The following LMO3 variants were observed in gnomAD, a reference collection of about 807,000 sequenced individuals.
LMO3 encodes the protein LIM domain only protein 3.
LMO3 carries 2 observed loss-of-function variants against 15.8 expected under a neutral mutation model. The ratio of observed to expected loss-of-function variants is 0.13; its 90% CI spans 0.05 to 0.40. LMO3 has a LOEUF of 0.40. LMO3 is among the 10% of genes least tolerant of loss of function. The pLI is 0.99. For synonymous variants in LMO3, 62 were observed against 63.8 expected, an observed-to-expected ratio of 0.97 and a Z score of 0.13; for missense variants, 86 against 182.2, an observed-to-expected ratio of 0.47 and a Z score of 3.04.
At position 16,584,415 on chromosome 12, in the gene LMO3, G is replaced by C. The variant is rs1217478586; in HGVS notation, c.206+16240C>G. ...TTAAAACAATATTTTGATGGGAAAG[G>C]CATCTGGCCAAAAGATTGTGGACAC... On this transcript the variant is annotated intron_variant, in intron 2 of 3. Transcript: ENST00000537304. This position sits in a 1 kb window ranked among gnomAD's most constrained non-coding sequence, Gnocchi z 5.2. Among the ~76,000 whole-genome samples the C allele has an allele frequency of 6.6e-6, 1 of 152,166 alleles. No homozygotes were observed. Among genetic ancestry groups the C allele is most frequent in the Non-Finnish European group, 1.5e-5 (1 of 68,034 alleles).
At chr12:16,600,291 CAAAAAA>C (rs35993210) in intron 2 of LMO3, 11 of 69,674 alleles carry the variant, frequency 1.6e-4, no homozygotes, top group South Asian at 1.0e-3. Context: ...CCTTAAGCTC[CAAAAAA>C]AAAAAAAAAA....
chr12:16,562,744 C>T (rs1034112376), intron 2 of LMO3, among the ~76,000 whole-genome samples: 2 of 152,214 alleles, frequency 1.3e-5, no homozygotes, highest in Non-Finnish European at 2.9e-5. Context: ...AAATCTATGG[C>T]AATCTGCATA....
chr12:16,577,184 G>A (rs182992812), intron 2 of LMO3, among the ~76,000 whole-genome samples: 60 of 152,216 alleles, frequency 3.9e-4, no homozygotes, highest in African/African-American at 1.4e-3. Context: ...ACTCTAAAGA[G>A]TTAACAAACA....
chr12:16,592,165 A>G (rs1033061444), intron 2 of LMO3, among the ~76,000 whole-genome samples: 2 of 152,076 alleles, frequency 1.3e-5, no homozygotes, highest in Non-Finnish European at 2.9e-5. Flanking sequence ...ATTATTTATA[A>G]GAACGAAGTA....
rs150599428 is a variant in LMO3 at position 16,603,847 on chromosome 12, T to A, written c.-9+2219A>T. 4.7e-3 allele frequency among the ~76,000 whole-genome samples: 719 copies of A among 152,066 alleles called. 3 individuals are homozygous for A. The highest frequency in any genetic ancestry group is 0.01 in the Middle Eastern group (3 of 294). On this transcript the variant is annotated intron_variant, in intron 1 of 3. Transcript: ENST00000537304. The surrounding 1 kb of genome is among the most constrained non-coding windows in gnomAD (Gnocchi z 4.9). Reference sequence around the variant, plus strand: ...ACAACACACAGGGGTTTAAAAAAAATAATAATAATGAAAGATTTGCAGCAC... The same window carrying A: ...ACAACACACAGGGGTTTAAAAAAAAAAATAATAATGAAAGATTTGCAGCAC...
Position 16,600,714 on chromosome 12 carries a change from C to T in LMO3, c.147G>A (p.Glu49=). The T allele has an allele frequency of 1.9e-6, 3 of 1,614,114 alleles. No homozygotes were observed. The highest frequency in any genetic ancestry group is 2.5e-6 in the Non-Finnish European group (3 of 1,180,006). Residue 49 remains glutamate, a synonymous_variant, in exon 2 of 4, where the codon GAG becomes GAA. Transcript: ENST00000537304. ...CTTTAGTGTACAGGGTGGAGCCCACCTCTCCCAAGCGACAGTCACAGCAGG... is the reference window on the plus strand; with the variant it reads ...CTTTAGTGTACAGGGTGGAGCCCACTTCTCCCAAGCGACAGTCACAGCAGG... ...KCACCDCRLG[E]VGSTLYTKAN...
At chr12:16,594,198 T>C (rs1228174029) in intron 2 of LMO3, 3 of 1,532,512 alleles carry the variant, frequency 2.0e-6, no homozygotes, top group Non-Finnish European at 2.6e-6. Flanking sequence ...CATTCTAAGG[T>C]TACACAGATT....
intron 2 of LMO3, chr12:16,594,025 C>T (rs998309253): frequency 2.3e-6 from 2 of 884,934 alleles, no homozygotes; most frequent in South Asian, 2.3e-5. Context: ...TAAAAGTTGT[C>T]CTACATGTTA....
upstream of LMO3, chr12:16,609,901 T>C (rs549130526): frequency 6.6e-6 from 1 of 151,368 alleles, no homozygotes; most frequent in Admixed American, 6.6e-5. Flanking sequence ...ATGCTCCGGT[T>C]AGGTTGCCGT....
Position 16,555,942 on chromosome 12 carries a change from G to A in LMO3, c.332+4471C>T, listed in dbSNP as rs931552426. Among the ~76,000 whole-genome samples, 10 of 151,920 alleles carry A rather than the reference G, an allele frequency of 6.6e-5. No homozygotes were observed. Among genetic ancestry groups the A allele is most frequent in the Non-Finnish European group, 1.5e-4 (10 of 67,992 alleles). On this transcript the variant is annotated intron_variant, in intron 3 of 3. Transcript: ENST00000537304. This position sits in a 1 kb window ranked among gnomAD's most constrained non-coding sequence, Gnocchi z 5.5. ...TGATGCTTCCCTAACACTTCAAGAA[G>A]GATGGCTCTCTCTTCCCTCAGTATA...
intron 1 of LMO3, chr12:16,605,023 C>A: frequency 6.4e-7 from 1 of 1,565,514 alleles, no homozygotes; most frequent in East Asian, 2.3e-5. Flanking sequence ...CGAGGACCGA[C>A]TATTGTGAAG....
In LMO3 at chr12:16,582,604, G is replaced by A. The variant is rs187244882; in HGVS notation, c.206+18051C>T. On this transcript the variant is annotated intron_variant, in intron 2 of 3. Coordinates refer to ENST00000537304, the MANE Select transcript of LMO3 (RefSeq NM_018640.5). The surrounding 1 kb of genome is among the most constrained non-coding windows in gnomAD (Gnocchi z 4.1). ...TGGAGAGTAATGGGCTACGGGTAGAGATTGAGCCATCACAATAAGAGGAGG... is the reference window on the plus strand; with the variant it reads ...TGGAGAGTAATGGGCTACGGGTAGAAATTGAGCCATCACAATAAGAGGAGG... 5.0e-4 allele frequency among the ~76,000 whole-genome samples: 76 copies of A among 152,256 alleles called. 1 individual carries two copies. Among genetic ancestry groups the A allele is most frequent in the Middle Eastern group, 3.4e-3 (1 of 294 alleles).
chr12:16,552,458 TGAG>T (rs1378495540), intron 3 of LMO3, among the ~76,000 whole-genome samples: 1 of 152,008 alleles, frequency 6.6e-6, no homozygotes, highest in East Asian at 1.9e-4. Flanking sequence ...AAGGTTTAAA[TGAG>T]GAGCAGTTGG....
chr12:16,609,170 G>A (rs1449359300), upstream of LMO3: 1 of 152,152 alleles, frequency 6.6e-6, no homozygotes, highest in Non-Finnish European at 1.5e-5. Flanking sequence ...ATCATCAGCG[G>A]TTGCCGACAA....
chr12:16,577,102 C>T (rs151078022), intron 2 of LMO3, among the ~76,000 whole-genome samples: 1 of 152,238 alleles, frequency 6.6e-6, no homozygotes, highest in African/African-American at 2.4e-5. Flanking sequence ...TTAGCAGATG[C>T]AGAAAACTTG....
chr12:16,552,101 C>A (rs1375661813), intron 3 of LMO3, among the ~76,000 whole-genome samples: 1 of 151,976 alleles, frequency 6.6e-6, no homozygotes, highest in Non-Finnish European at 1.5e-5. Context: ...TGCAAGACTG[C>A]AATGTTTTTA....
intron 1 of LMO3, among the ~76,000 whole-genome samples, chr12:16,601,455 A>C (rs1471670082): frequency 6.6e-6 from 1 of 152,176 alleles, no homozygotes; most frequent in Non-Finnish European, 1.5e-5. Flanking sequence ...GCATCCAAAT[A>C]CTTCTTCTAT....
In LMO3 at chr12:16,560,632, C is replaced by A; in HGVS notation, c.207-94G>T. The A allele has an allele frequency of 9.2e-7, 1 of 1,081,278 alleles. No individual in the cohort carries two copies. Among genetic ancestry groups the A allele is most frequent in the South Asian group, 1.5e-5 (1 of 65,532 alleles). 67.0% of individuals were successfully genotyped at this position (1,081,278 alleles called of 1,614,324 possible). A position where few individuals can be genotyped will look rare whatever the true frequency, so the allele number is the denominator to read the frequency against. On this transcript the variant is annotated intron_variant, in intron 2 of 3. Coordinates refer to ENST00000537304, the MANE Select transcript of LMO3 (RefSeq NM_018640.5). The surrounding 1 kb of genome is among the most constrained non-coding windows in gnomAD (Gnocchi z 5.0). Reference sequence around the variant, plus strand: ...GATGTTAATATACTCTGTAAAGCTACAATACACAATGCTTTATGATGTACA... The same window carrying A: ...GATGTTAATATACTCTGTAAAGCTAAAATACACAATGCTTTATGATGTACA...
At position 16,551,142 on chromosome 12, in the gene LMO3, G is replaced by A. The variant is rs1353728819; in HGVS notation, c.*80C>T. 1 of 921,120 alleles carries A rather than the reference G, an allele frequency of 1.1e-6. No individual in the cohort carries two copies. The highest frequency in any genetic ancestry group is 1.8e-5 in the Admixed American group (1 of 56,732). 57.1% of individuals were successfully genotyped at this position (921,120 alleles called of 1,614,324 possible). On this transcript the variant is annotated 3_prime_UTR_variant, in exon 4 of 4. Transcript: ENST00000537304. ...TCTACGCTATTCAGTAGGTTCCTGT[G>A]TCAATTCTTATGTACATGTGGAGCA...
Sources: allele counts gnomAD v4.1 joint callset (sites outside exome capture counted in the v4.1 genomes callset), GRCh38; gene constraint gnomAD v4.1.1; non-coding constraint Gnocchi (gnomAD v3.1); transcripts MANE v1.5; gene names NCBI Gene and HGNC (gene_info 2026-07-23, HGNC 2026-07-21).